Variants in NBAS observed in about 807,000 individuals in gnomAD.
NBAS encodes NBAS subunit of NRZ tethering complex, also known as NAG/BC035112 fusion.
NBAS carries 219 observed loss-of-function variants against 302.5 expected under a neutral mutation model. That is an observed-to-expected ratio of 0.72 (90% confidence interval 0.65 to 0.81). The LOEUF is 0.81. Ranked by LOEUF, NBAS falls within the 30% of genes least tolerant of loss-of-function variation. The pLI is 0.00. For synonymous variants in NBAS, 1,118 were observed against 1,021.6 expected, an observed-to-expected ratio of 1.09 and a Z score of -1.80; for missense variants, 2,932 against 2,841.6, an observed-to-expected ratio of 1.03 and a Z score of -0.72.
At chr2:15,491,968 T>C (rs1680875598) in intron 11 of NBAS, among the ~76,000 whole-genome samples, 1 of 152,180 alleles carries the variant, frequency 6.6e-6, no homozygotes, top group Non-Finnish European at 1.5e-5. Flanking sequence ...AGTTAAACAA[T>C]AAATTGTATT....
chr2:15,345,215 A>C (rs1673035184), intron 35 of NBAS, among the ~76,000 whole-genome samples: 1 of 152,146 alleles, frequency 6.6e-6, no homozygotes, highest in South Asian at 2.1e-4. Context: ...AGGAAGTCAA[A>C]TTGTCTCTGT....
At chr2:15,359,204 T>C (rs1350981812) in intron 32 of NBAS, among the ~76,000 whole-genome samples, 3 of 150,452 alleles carry the variant, frequency 2.0e-5, no homozygotes, top group Admixed American at 6.6e-5. Context: ...GAGTTATTAA[T>C]CACTAAGTGA....
chr2:15,493,829 C>CT (rs10715868), intron 11 of NBAS, among the ~76,000 whole-genome samples: 1,755 of 113,548 alleles, frequency 0.015, 41 homozygotes, highest in African/African-American at 0.049. Flanking sequence ...GCAATTTTCT[C>CT]TTTTTTTTTT....
chr2:14,815,445 G>T, the NBAS span, among the ~76,000 whole-genome samples: 4 of 152,154 alleles, frequency 2.6e-5, no homozygotes, highest in Non-Finnish European at 5.9e-5. Flanking sequence ...ACACTTTGTT[G>T]TCAGCCAAAG....
At chr2:15,401,083 T>C (rs1447236982) in intron 26 of NBAS, among the ~76,000 whole-genome samples, 1 of 152,080 alleles carries the variant, frequency 6.6e-6, no homozygotes, top group Non-Finnish European at 1.5e-5. Flanking sequence ...CTGTAAGTTA[T>C]GCCACCCTTC....
intron 17 of NBAS, 85 bp downstream of exon 17, chr2:15,468,297 G>A: frequency 6.6e-7 from 1 of 1,506,516 alleles, no homozygotes; most frequent in Non-Finnish European, 9.2e-7. Flanking sequence ...CTTAAATAAA[G>A]AAAAGTTTAC....
rs1338171109 is a variant in NBAS, at chr2:15,301,513, G to A, written c.4797+6703C>T. On this transcript the variant is annotated intron_variant, in intron 40 of 51. Transcript: ENST00000281513. ...TCCCCACCAAGTGAGCAATCAGTTT[G>A]GGAGCAGACAGGAACTGGTGTCCTC... is the stretch of plus-strand genomic sequence containing the variant. 3.3e-5 allele frequency among the ~76,000 whole-genome samples: 5 copies of A among 152,224 alleles called. No individual in the cohort carries two copies. The East Asian group carries it at 9.6e-4, about 29-fold the overall frequency.
At chr2:15,006,483 C>T in the NBAS span, among the ~76,000 whole-genome samples, 1 of 151,834 alleles carries the variant, frequency 6.6e-6, no homozygotes, top group Non-Finnish European at 1.5e-5. Context: ...TAAATAATAA[C>T]TGAAAAAATA....
the NBAS span, among the ~76,000 whole-genome samples, chr2:14,817,495 T>C: frequency 6.6e-6 from 1 of 152,204 alleles, no homozygotes; most frequent in Non-Finnish European, 1.5e-5. Flanking sequence ...TATCTTTGGC[T>C]CCCCATTGCT....
chr2:15,046,710 G>T, the NBAS span, among the ~76,000 whole-genome samples: 1 of 152,136 alleles, frequency 6.6e-6, no homozygotes, highest in Non-Finnish European at 1.5e-5. Context: ...CAGGCAGCGG[G>T]GAAAAAGAGT....
At chr2:15,030,607 C>T in the NBAS span, among the ~76,000 whole-genome samples, 2 of 152,048 alleles carry the variant, frequency 1.3e-5, no homozygotes, top group South Asian at 2.1e-4. Flanking sequence ...GTGGCAGTGC[C>T]GTGTGTGTGA....
In NBAS at chr2:15,418,658, G is replaced by C. The variant is rs12621606; in HGVS notation, c.2578-946C>G. ...AGGGTCCCAGAGGAGGGAACACTTA[G>C]CATGGACTCTAAAGAATCAAAGGGT... On this transcript the variant is annotated intron_variant, in intron 23 of 51. Coordinates refer to ENST00000281513, the MANE Select transcript of NBAS (RefSeq NM_015909.4). 1.1e-3 allele frequency among the ~76,000 whole-genome samples: 164 copies of C among 152,266 alleles called. 1 individual carries two copies. The East Asian group carries it at 0.03, about 28-fold the overall frequency.
chr2:15,219,833 C>A (rs1173369457), intron 47 of NBAS, among the ~76,000 whole-genome samples: 1 of 145,556 alleles, frequency 6.9e-6, no homozygotes, highest in Admixed American at 6.8e-5. Flanking sequence ...CCCAATGAGC[C>A]GCTGGGCACA....
intron 45 of NBAS, among the ~76,000 whole-genome samples, chr2:15,237,335 C>A (rs1667640588): frequency 1.3e-5 from 2 of 151,874 alleles, no homozygotes; most frequent in African/African-American, 4.8e-5. Context: ...AGGTAGGGAA[C>A]CCCAAACTTC....
At chr2:15,286,657 T>A (rs116160380) in intron 42 of NBAS, among the ~76,000 whole-genome samples, 215 of 152,368 alleles carry the variant, frequency 1.4e-3, no homozygotes, top group Non-Finnish European at 2.8e-3. Context: ...TAAGTGTTAC[T>A]TCCTGGGAAA....
chr2:14,828,456 G>A, the NBAS span, among the ~76,000 whole-genome samples: 1 of 152,240 alleles, frequency 6.6e-6, no homozygotes, highest in East Asian at 1.9e-4. Flanking sequence ...AAAAGGAGGA[G>A]AGGTTAGGCA....
the NBAS span, among the ~76,000 whole-genome samples, chr2:15,098,182 G>T: frequency 5.4e-4 from 6 of 11,168 alleles, no homozygotes; most frequent in Admixed American, 1.9e-3. Context: ...ATATTATATT[G>T]TATATAATAT....
At chr2:15,093,094 G>A in the NBAS span, among the ~76,000 whole-genome samples, 1 of 152,176 alleles carries the variant, frequency 6.6e-6, no homozygotes, top group East Asian at 1.9e-4. Flanking sequence ...TGACTGCTTA[G>A]TAATCAAAGA....
At chr2:14,965,729 A>G in the NBAS span, among the ~76,000 whole-genome samples, 1 of 152,082 alleles carries the variant, frequency 6.6e-6, no homozygotes, top group Non-Finnish European at 1.5e-5. Context: ...GTATTTTCTA[A>G]AAGTATGAAA....
Sources: gnomAD v4.1 joint callset for allele counts (sites outside exome capture counted in the v4.1 genomes callset) on GRCh38, gnomAD v4.1.1 for gene constraint, MANE v1.5 for transcripts, NCBI Gene and HGNC (gene_info 2026-07-23, HGNC 2026-07-21) for gene names.